Variants in CCDC150 observed in about 807,000 individuals in gnomAD.
CCDC150 encodes the protein coiled-coil domain-containing protein 150.
CCDC150 carries 151 observed loss-of-function variants against 156.5 expected under a neutral mutation model. The observed-to-expected ratio is 0.97, with a 90% CI of 0.85 to 1.10. CCDC150 has a LOEUF of 1.10. Ranked by LOEUF, CCDC150 falls within the 50% of genes least tolerant of loss-of-function variation. CCDC150 has a pLI of 0.00. For missense variants in CCDC150, 1,312 were observed against 1,268.1 expected (o/e 1.03, Z -0.53); for synonymous variants, 452 against 429.4 (o/e 1.05, Z -0.65).
At chr2:196,657,353 C>G (rs1339840563) in intron 4 of CCDC150, 7 of 488,224 alleles carry the variant, frequency 1.4e-5, no homozygotes, top group East Asian at 1.1e-4. Context: ...TTTGTACAAC[C>G]CTTACCCCAT....
intron 14 of CCDC150, among the ~76,000 whole-genome samples, chr2:196,698,871 T>G (rs1695997156): frequency 6.6e-6 from 1 of 152,160 alleles, no homozygotes; most frequent in South Asian, 2.1e-4. Flanking sequence ...CCCCAGTGTG[T>G]GATGTTCCCC....
chr2:196,695,214 TA>T lies in CCDC150; in HGVS notation c.1623+57del, dbSNP rs1054983128. 133 of 910,164 alleles carry T rather than the reference TA, an allele frequency of 1.5e-4. 2 individuals carry two copies. Among genetic ancestry groups the T allele is most frequent in the South Asian group, 7.8e-4 (52 of 66,412 alleles). The allele number at this position is 910,164 out of a possible 1,614,324, so 56.4% of individuals were successfully genotyped here. On this transcript the variant is annotated intron_variant, in intron 14 of 27. Transcript: ENST00000389175. ...AATTAATGACTAATGAGTTCAGAAA[TA>T]ACAACAACCAGAGGTCAGGAGATGG...
At chr2:196,667,477 A>G (rs1235293441) in intron 7 of CCDC150, 2 of 153,698 alleles carry the variant, frequency 1.3e-5, no homozygotes, top group Non-Finnish European at 2.9e-5. Flanking sequence ...GTACTTCATT[A>G]TAAAGCAGTT....
chr2:196,669,792 A>G (rs1351543928), intron 7 of CCDC150, 41 bp from the exon 8 acceptor site: 3 of 1,342,848 alleles, frequency 2.2e-6, no homozygotes, highest in Non-Finnish European at 2.1e-6. Flanking sequence ...TTAATGTAGC[A>G]AGTTACTATT....
intron 15 of CCDC150, among the ~76,000 whole-genome samples, chr2:196,701,733 G>A (rs1696225621): frequency 6.6e-6 from 1 of 152,142 alleles, no homozygotes; most frequent in Admixed American, 6.6e-5. Context: ...TCCTCATGCT[G>A]GGAAGTGTAT....
At chr2:196,687,077 T>C (rs1260277856) in intron 13 of CCDC150, among the ~76,000 whole-genome samples, 4 of 152,186 alleles carry the variant, frequency 2.6e-5, no homozygotes, top group Non-Finnish European at 5.9e-5. Flanking sequence ...CATACACACA[T>C]GCATGTATCT....
At chr2:196,684,977 T>A (rs1463332176) in intron 13 of CCDC150, among the ~76,000 whole-genome samples, 1 of 152,132 alleles carries the variant, frequency 6.6e-6, no homozygotes, top group African/African-American at 2.4e-5. Context: ...ATAGTTGTTT[T>A]TTTAAAAACT....
intron 2 of CCDC150, among the ~76,000 whole-genome samples, chr2:196,648,768 G>T (rs963118169): frequency 1.3e-5 from 2 of 152,056 alleles, no homozygotes; most frequent in African/African-American, 4.8e-5. Flanking sequence ...TTAGTTTCAG[G>T]TCTTATGTTT....
chr2:196,700,715 C>T (rs1696148189), intron 14 of CCDC150, among the ~76,000 whole-genome samples: 1 of 152,162 alleles, frequency 6.6e-6, no homozygotes, highest in African/African-American at 2.4e-5. Flanking sequence ...GTGCCTTCTG[C>T]TGTCAGTGGT....
intron 2 of CCDC150, among the ~76,000 whole-genome samples, chr2:196,656,181 C>T (rs1418293403): frequency 6.6e-6 from 1 of 152,098 alleles, no homozygotes; most frequent in Non-Finnish European, 1.5e-5. Flanking sequence ...CTTCTAGAGG[C>T]AGGTGAATTA....
intron 5 of CCDC150, among the ~76,000 whole-genome samples, chr2:196,664,866 A>T: frequency 6.6e-6 from 1 of 152,200 alleles, no homozygotes; most frequent in East Asian, 1.9e-4. Flanking sequence ...AACGAGGGTC[A>T]GAAATGAAAT....
chr2:196,682,114 A>G (rs865865467), intron 13 of CCDC150, among the ~76,000 whole-genome samples: 1 of 151,990 alleles, frequency 6.6e-6, no homozygotes, highest in Non-Finnish European at 1.5e-5. Context: ...TCTTTGATCC[A>G]CTTTGAGTTT....
intron 16 of CCDC150, 66 bp from the exon 17 acceptor site, chr2:196,712,611 A>G: frequency 9.5e-7 from 1 of 1,053,596 alleles, no homozygotes; most frequent in Non-Finnish European, 1.4e-6. Context: ...ATGCTTTCAT[A>G]AAGGCAGTGC....
chr2:196,688,962 T>G (rs1284941730), intron 13 of CCDC150, among the ~76,000 whole-genome samples: 1 of 152,128 alleles, frequency 6.6e-6, no homozygotes, highest in African/African-American at 2.4e-5. Flanking sequence ...TTTCTACATA[T>G]GGCTAGCCAG....
At chr2:196,648,318 A>G (rs968558947) in intron 2 of CCDC150, among the ~76,000 whole-genome samples, 3 of 151,918 alleles carry the variant, frequency 2.0e-5, no homozygotes, top group Admixed American at 2.0e-4. Flanking sequence ...CATCTTTTTG[A>G]TAGTAGCCAT....
Position 196,719,586 on chromosome 2 carries a change from T to G in CCDC150, c.2085T>G (p.Ser695Arg). The G allele has an allele frequency of 6.2e-7, 1 of 1,613,526 alleles. No individual in the cohort carries two copies. The highest frequency in any genetic ancestry group is 8.5e-7 in the Non-Finnish European group (1 of 1,179,718). The change falls in exon 19 of 28, where the codon AGT (serine) becomes AGG (arginine). Residue 695 changes from serine to arginine, a missense_variant. Transcript: ENST00000389175. ...IMLENVLASH[S>R]KMQGALEKVQ... is the part of the protein sequence containing the mutation. ...TGGAGAATGTGCTGGCTTCTCACAG[T>G]AAGATGCAAGGTGCTCTGGAGAAAG...
At chr2:196,682,585 G>T (rs1299235890) in intron 13 of CCDC150, among the ~76,000 whole-genome samples, 3 of 151,960 alleles carry the variant, frequency 2.0e-5, no homozygotes, top group Middle Eastern at 3.2e-3. Context: ...ACAATTTGTT[G>T]TATATTTTCT....
intron 10 of CCDC150, among the ~76,000 whole-genome samples, chr2:196,675,542 G>C (rs573074975): frequency 1.3e-5 from 2 of 152,166 alleles, no homozygotes; most frequent in Non-Finnish European, 2.9e-5. Context: ...ATGTGTAGGG[G>C]TATATGGTAC....
At chr2:196,670,992 T>C (rs1275686819) in intron 8 of CCDC150, among the ~76,000 whole-genome samples, 2 of 152,172 alleles carry the variant, frequency 1.3e-5, no homozygotes, top group African/African-American at 4.8e-5. Context: ...AAAAAATGGA[T>C]GCACCATTTT....
Sources: gnomAD v4.1 joint callset for allele counts (sites outside exome capture counted in the v4.1 genomes callset) on GRCh38, gnomAD v4.1.1 for gene constraint, MANE v1.5 for transcripts, NCBI Gene and HGNC (gene_info 2026-07-23, HGNC 2026-07-21) for gene names.